The following STK32B variants were observed in gnomAD, a reference collection of about 807,000 sequenced individuals.
STK32B encodes serine/threonine-protein kinase 32B.
A neutral mutation model predicts 52.6 loss-of-function variants in STK32B; 43 were observed. The observed-to-expected ratio is 0.82, with a 90% confidence interval of 0.64 to 1.05. The LOEUF is 1.05. Ranked by LOEUF, STK32B falls within the 50% of genes least tolerant of loss-of-function variation. The pLI, the probability that STK32B is intolerant of heterozygous loss-of-function variation, is 0.00. For missense variants in STK32B, 621 were observed against 534.6 expected, an observed-to-expected ratio of 1.16 and a Z score of -1.59; for synonymous variants, 238 against 204.3, an observed-to-expected ratio of 1.17 and a Z score of -1.41.
In STK32B at chr4:5,397,660, G is replaced by A. The variant is rs1001290954; in HGVS notation, c.435-547G>A. On this transcript the variant is annotated intron_variant, in intron 4 of 11. Transcript: ENST00000282908. ...TCTGTGTGTCTGTGGGTGTGTGTACGTGTATATGTTGTTTTGTTTTTACAG... is the reference window on the plus strand; with the variant it reads ...TCTGTGTGTCTGTGGGTGTGTGTACATGTATATGTTGTTTTGTTTTTACAG... Among the ~76,000 whole-genome samples, 189 of 152,226 alleles carry A rather than the reference G, an allele frequency of 1.2e-3. 1 individual carries two copies. Among genetic ancestry groups the A allele is most frequent in the East Asian group, 1.9e-3 (10 of 5,200 alleles).
chr4:5,078,687 C>G (rs550346051), intron 1 of STK32B, among the ~76,000 whole-genome samples: 1 of 152,264 alleles, frequency 6.6e-6, no homozygotes, highest in African/African-American at 2.4e-5. Context: ...TGATGGAGCA[C>G]CCTCCATCTA....
At chr4:5,486,778 A>T (rs1719255552) in intron 11 of STK32B, among the ~76,000 whole-genome samples, 1 of 152,228 alleles carries the variant, frequency 6.6e-6, no homozygotes, top group Non-Finnish European at 1.5e-5. Context: ...GGGAGGAAAG[A>T]ATTGCAATTC....
chr4:5,457,610 G>A (rs1474562713), intron 8 of STK32B, among the ~76,000 whole-genome samples: 1 of 150,772 alleles, frequency 6.6e-6, no homozygotes, highest in Non-Finnish European at 1.5e-5. Context: ...TCTCACGCCT[G>A]TAATTCCAGC....
At position 5,238,325 on chromosome 4, in the gene STK32B, C is replaced by T. The variant is rs554376786; in HGVS notation, c.260+69875C>T. The stretch of plus-strand genomic sequence containing the variant: ...TGTGATGGGATGACTGTAATGTCTG[C>T]CTCCTTGCCTCCTTCTTCATAAGGC... On this transcript the variant is annotated intron_variant, in intron 3 of 11. Transcript: ENST00000282908. Among the ~76,000 whole-genome samples the T allele has an allele frequency of 3.9e-5, 6 of 152,142 alleles. No homozygotes were observed. In the South Asian group the frequency reaches 1.2e-3, roughly 32 times the overall value.
rs570241863 is a variant in STK32B at position 5,370,996 on chromosome 4, G to GTGTGTGTGTGTGTGTA, written c.435-27210_435-27209insGTGTGTGTGTGTGTAT. ...TAAATATATATATATGTGTGTGTGT[G>GTGTGTGTGTGTGTGTA]TATATATATATATATGTATATATAT... On this transcript the variant is annotated intron_variant, in intron 4 of 11. Coordinates refer to ENST00000282908, the MANE Select transcript of STK32B (RefSeq NM_018401.3). Among the ~76,000 whole-genome samples, 367 of 141,116 alleles carry GTGTGTGTGTGTGTGTA rather than the reference G, an allele frequency of 2.6e-3. 2 individuals carry two copies. The highest frequency in any genetic ancestry group is 9.1e-3 in the African/African-American group (342 of 37,680). The allele number at this position is 141,116 out of a possible 152,430, so 92.6% of individuals were successfully genotyped here.
intron 3 of STK32B, among the ~76,000 whole-genome samples, chr4:5,200,458 A>T (rs747630521): frequency 1.3e-5 from 2 of 152,134 alleles, no homozygotes; most frequent in Non-Finnish European, 2.9e-5. Flanking sequence ...GTTGTTTGCC[A>T]GGGAGTCGTG....
chr4:5,427,187 A>G lies in STK32B; in HGVS notation c.562+10253A>G, dbSNP rs148602355. ...GGTTTCTCTTCTATAGTCTGTTGAA[A>G]TACTGCTGACTGACTTTGAAATGTT... On this transcript the variant is annotated intron_variant, in intron 6 of 11. Transcript: ENST00000282908. 6.1e-3 allele frequency among the ~76,000 whole-genome samples: 922 copies of G among 152,318 alleles called. 8 individuals are homozygous for G. The highest frequency in any genetic ancestry group is 0.02 in the African/African-American group (818 of 41,556).
intron 11 of STK32B, among the ~76,000 whole-genome samples, chr4:5,489,228 T>A (rs1346781650): frequency 6.6e-6 from 1 of 152,220 alleles, no homozygotes; most frequent in Admixed American, 6.5e-5. Context: ...TAATTTTTAA[T>A]AGCTTACCTA....
chr4:5,280,062 C>T (rs1158997457), intron 3 of STK32B, among the ~76,000 whole-genome samples: 3 of 152,220 alleles, frequency 2.0e-5, no homozygotes, highest in African/African-American at 4.8e-5. Flanking sequence ...CTCTTCTTTA[C>T]TTATGCACAT....
chr4:5,102,256 C>T (rs1358088380), intron 1 of STK32B, among the ~76,000 whole-genome samples: 1 of 152,152 alleles, frequency 6.6e-6, no homozygotes, highest in Non-Finnish European at 1.5e-5. Flanking sequence ...ATCCTGGGCT[C>T]TTGATGATCC....
intron 3 of STK32B, among the ~76,000 whole-genome samples, chr4:5,205,857 A>G (rs1722543560): frequency 6.6e-6 from 1 of 152,118 alleles, no homozygotes; most frequent in Middle Eastern, 3.2e-3. Flanking sequence ...CTCATCTCCC[A>G]TCCTCCTTGC....
At chr4:5,317,274 TATAAC>T (rs1259265846) in intron 3 of STK32B, among the ~76,000 whole-genome samples, 2 of 52,046 alleles carry the variant, frequency 3.8e-5, no homozygotes, top group Non-Finnish European at 5.7e-5. Context: ...ATATATAATA[TATAAC>T]ATATAACATA....
chr4:5,204,980 T>A (rs1722455016), intron 3 of STK32B, among the ~76,000 whole-genome samples: 1 of 152,188 alleles, frequency 6.6e-6, no homozygotes, highest in Non-Finnish European at 1.5e-5. Context: ...AGATTAGCAT[T>A]TGAATCAGTA....
chr4:5,037,257 C>T, the STK32B span, among the ~76,000 whole-genome samples: 3 of 152,166 alleles, frequency 2.0e-5, no homozygotes, highest in Non-Finnish European at 4.4e-5. Context: ...TGGGGGATCA[C>T]CCCTGTTGAG....
chr4:5,437,337 C>T (rs1714174319), intron 6 of STK32B, among the ~76,000 whole-genome samples: 1 of 152,208 alleles, frequency 6.6e-6, no homozygotes, highest in Non-Finnish European at 1.5e-5. Flanking sequence ...GGGCCATGTG[C>T]CCTCAGAAGC....
chr4:5,319,606 C>T (rs1313892804), intron 3 of STK32B, among the ~76,000 whole-genome samples: 1 of 152,212 alleles, frequency 6.6e-6, no homozygotes, highest in Non-Finnish European at 1.5e-5. Flanking sequence ...ATGCTCACCA[C>T]TCCTCTCAGC....
At chr4:5,330,081 G>A (rs1055758137) in intron 3 of STK32B, among the ~76,000 whole-genome samples, 4 of 152,140 alleles carry the variant, frequency 2.6e-5, no homozygotes, top group African/African-American at 7.2e-5. Context: ...GGGGATTTGG[G>A]TTCTTGTCCT....
Position 5,395,574 on chromosome 4 carries a change from T to C in STK32B, c.435-2633T>C, listed in dbSNP as rs535529370. Among the ~76,000 whole-genome samples the C allele has an allele frequency of 1.3e-5, 2 of 152,356 alleles. No homozygotes were observed. The highest frequency in any genetic ancestry group is 4.1e-4 in the South Asian group (2 of 4,834). On this transcript the variant is annotated intron_variant, in intron 4 of 11. Transcript: ENST00000282908. The surrounding 1 kb of genome is among the most constrained non-coding windows in gnomAD (Gnocchi z 4.4). Reference sequence around the variant, plus strand: ...TCCTGCCATTGATTCATGTGCCTTCTGGTGTGCCTCTCTTCCTAGAATGCA... The same window carrying C: ...TCCTGCCATTGATTCATGTGCCTTCCGGTGTGCCTCTCTTCCTAGAATGCA...
intron 3 of STK32B, among the ~76,000 whole-genome samples, chr4:5,205,538 C>G (rs1264102518): frequency 6.6e-6 from 1 of 152,028 alleles, no homozygotes; most frequent in Non-Finnish European, 1.5e-5. Context: ...TGAGGGCCTC[C>G]CTGGCTGGCT....
Sources: allele counts gnomAD v4.1 joint callset (sites outside exome capture counted in the v4.1 genomes callset), GRCh38; gene constraint gnomAD v4.1.1; non-coding constraint Gnocchi (gnomAD v3.1); transcripts MANE v1.5; gene names NCBI Gene and HGNC (gene_info 2026-07-23, HGNC 2026-07-21).